DOT1L: variants seen among roughly 807,000 people sequenced by gnomAD.
The protein encoded by DOT1L is DOT1 like histone lysine methyltransferase, also known as histone-lysine N-methyltransferase, H3 lysine-79 specific.
A neutral mutation model predicts 153.3 loss-of-function variants in DOT1L; 33 were observed. That is an observed-to-expected ratio of 0.22 (90% confidence interval 0.16 to 0.29). The LOEUF (loss-of-function observed/expected upper bound fraction) is 0.29, where lower values mean the gene tolerates loss of function less well. Ranked by LOEUF, DOT1L falls within the 10% of genes least tolerant of loss-of-function variation. The probability of loss-of-function intolerance (pLI) is 1.00; values close to 1 mark genes in which losing one functional copy is unlikely to be tolerated. For missense variants in DOT1L, 1,847 were observed against 2,119.9 expected (o/e 0.87, Z 2.53); for synonymous variants, 1,135 against 965.1 (o/e 1.18, Z -3.26).
At chr19:2,206,151 C>A (rs1272978998) in intron 9 of DOT1L, among the ~76,000 whole-genome samples, 3 of 152,098 alleles carry the variant, frequency 2.0e-5, no homozygotes, top group Non-Finnish European at 4.4e-5. Context: ...ATGTGCGCCA[C>A]CACACCTGGC....
At position 2,217,215 on chromosome 19, in the gene DOT1L, G is replaced by A. The variant is rs986165083; in HGVS notation, c.2544+125G>A. 2 of 1,326,358 alleles carry A rather than the reference G, an allele frequency of 1.5e-6. No homozygotes were observed. Among genetic ancestry groups the A allele is most frequent in the Non-Finnish European group, 2.0e-6 (2 of 1,004,352 alleles). The allele number at this position is 1,326,358 out of a possible 1,614,324, so 82.2% of individuals were successfully genotyped here. The stretch of plus-strand genomic sequence containing the variant: ...CACGGTGAGGTACTGGGGCTGACCT[G>A]GAGTAGGATGTTGTGGCAGAGTTGG... On this transcript the variant is annotated intron_variant, in intron 21 of 27. Transcript: ENST00000398665. This position sits in a 1 kb window ranked among gnomAD's most constrained non-coding sequence, Gnocchi z 7.3.
intron 1 of DOT1L, among the ~76,000 whole-genome samples, chr19:2,171,158 G>A (rs2021598314): frequency 6.6e-6 from 1 of 152,166 alleles, no homozygotes; most frequent in South Asian, 2.1e-4. Flanking sequence ...GGGCCTTGCT[G>A]TGTTGCCCCA....
rs575113121 is a variant in DOT1L at position 2,171,233 on chromosome 19, C to T, written c.81+6968C>T. On this transcript the variant is annotated intron_variant, in intron 1 of 27. Transcript: ENST00000398665. ...AGGCTGTGTGGTGGGGTCTAAGGTA[C>T]AGCAGGGGCCCCAGAGGAGTCCTCC... 1.1e-4 allele frequency among the ~76,000 whole-genome samples: 16 copies of T among 152,280 alleles called. No individual in the cohort carries two copies. The South Asian group carries it at 3.3e-3, about 32-fold the overall frequency.
Position 2,213,619 on chromosome 19 carries a change from G to GT in DOT1L, c.1641dup (p.Gln548SerfsTer6). The GT allele has an allele frequency of 6.2e-7, 1 of 1,613,806 alleles. No individual in the cohort carries two copies. The highest frequency in any genetic ancestry group is 8.5e-7 in the Non-Finnish European group (1 of 1,179,996). ...CCCAGAAGGAGGAGATCAGGAGGCT[G>GT]TTTCAGCAAAAATTGGATGAGGTAG... On this transcript the variant is annotated frameshift_variant, in exon 17 of 28. Coordinates refer to ENST00000398665, the MANE Select transcript of DOT1L (RefSeq NM_032482.3). LOFTEE classifies it high-confidence loss of function.
At position 2,231,659 on chromosome 19, in the gene DOT1L, T is replaced by C. The variant is rs1019115966; in HGVS notation, c.*1867T>C. 10 of 214,134 alleles carry C rather than the reference T, an allele frequency of 4.7e-5. No homozygotes were observed. The highest frequency in any genetic ancestry group is 1.4e-4 in the East Asian group (2 of 14,470). 13.3% of individuals were successfully genotyped at this position (214,134 alleles called of 1,614,324 possible). A position where few individuals can be genotyped will look rare whatever the true frequency, so the allele number is the denominator to read the frequency against. ...CTGCCTGAGCCCCAAGCCCCGAGCCTGGCCTTCAGGACAGGCAGCCTGCTC... is the reference window on the plus strand; with the variant it reads ...CTGCCTGAGCCCCAAGCCCCGAGCCCGGCCTTCAGGACAGGCAGCCTGCTC... On this transcript the variant is annotated 3_prime_UTR_variant, in exon 28 of 28. Coordinates refer to ENST00000398665, the MANE Select transcript of DOT1L (RefSeq NM_032482.3).
In DOT1L at chr19:2,225,873, A is replaced by G. The variant is rs1195176864; in HGVS notation, c.3662-310A>G. Among the ~76,000 whole-genome samples, 4 of 152,112 alleles carry G rather than the reference A, an allele frequency of 2.6e-5. 1 individual carries two copies. The highest frequency in any genetic ancestry group is 2.6e-4 in the Admixed American group (4 of 15,286). On this transcript the variant is annotated intron_variant, in intron 26 of 27. Coordinates refer to ENST00000398665, the MANE Select transcript of DOT1L (RefSeq NM_032482.3). Reference sequence around the variant, plus strand: ...GGCTGCTGACCTCAGCATTTTCCCCAGAGCTCATCCCGCATGGCCTCTGAG... The same window carrying G: ...GGCTGCTGACCTCAGCATTTTCCCCGGAGCTCATCCCGCATGGCCTCTGAG...
At chr19:2,177,580 G>T (rs1358104228) in intron 1 of DOT1L, among the ~76,000 whole-genome samples, 2 of 152,066 alleles carry the variant, frequency 1.3e-5, no homozygotes, top group Non-Finnish European at 2.9e-5. Flanking sequence ...GGCCAGGCTG[G>T]CCTCGAATTC....
chr19:2,220,512 G>A lies in DOT1L; in HGVS notation c.2806+290G>A, dbSNP rs191162715. On this transcript the variant is annotated intron_variant, in intron 23 of 27. Transcript: ENST00000398665. This position sits in a 1 kb window ranked among gnomAD's most constrained non-coding sequence, Gnocchi z 4.5. ...TGAGGTCGGCCCCAGTGCTCTCGGG[G>A]GCTCCTGTACTCACAGCTGGGAGGC... 8.0e-4 allele frequency: 425 copies of A among 532,850 alleles called. 3 individuals are homozygous for A. Among genetic ancestry groups the A allele is most frequent in the African/African-American group, 6.3e-3 (333 of 52,894 alleles). The allele number at this position is 532,850 out of a possible 1,614,324, so 33.0% of individuals were successfully genotyped here.
intron 1 of DOT1L, among the ~76,000 whole-genome samples, chr19:2,178,407 A>C (rs1005358695): frequency 1.8e-4 from 25 of 138,696 alleles, no homozygotes; most frequent in East Asian, 8.5e-4. Context: ...AACACACTTC[A>C]CTTTGAAATT....
In DOT1L at chr19:2,220,255, TCTG is replaced by T. The variant is rs369662473; in HGVS notation, c.2806+48_2806+50del. The T allele has an allele frequency of 2.4e-4, 370 of 1,572,932 alleles. No homozygotes were observed. The highest frequency in any genetic ancestry group is 2.6e-4 in the Non-Finnish European group (297 of 1,151,310). On this transcript the variant is annotated intron_variant, in intron 23 of 27. Transcript: ENST00000398665. The surrounding 1 kb of genome is among the most constrained non-coding windows in gnomAD (Gnocchi z 4.5). Reference sequence around the variant, plus strand: ...CCCTCCTGTGCCCTACCCTCAGGACTCTGCTGCTGCTGCTGCTCTTCAGGCAGG... The same window carrying T: ...CCCTCCTGTGCCCTACCCTCAGGACTCTGCTGCTGCTGCTCTTCAGGCAGG...
At chr19:2,227,752 C>G in intron 27 of DOT1L, 1 of 1,318,216 alleles carries the variant, frequency 7.6e-7, no homozygotes, top group Non-Finnish European at 1.0e-6. Context: ...TTTAACCACG[C>G]GGTGCCCTCC....
rs989115387 is a variant in DOT1L, at chr19:2,222,816, G to A, written c.3390+257G>A. ...GGAGAATGATGTGAACCCGGGAGGC[G>A]GGGCTTGCAGTGAACTGAGATCGGC... On this transcript the variant is annotated intron_variant, in intron 24 of 27. Transcript: ENST00000398665. The surrounding 1 kb of genome is among the most constrained non-coding windows in gnomAD (Gnocchi z 6.5). The A allele has an allele frequency of 2.1e-6, 1 of 483,546 alleles. No individual in the cohort carries two copies. Among genetic ancestry groups the A allele is most frequent in the Admixed American group, 3.7e-5 (1 of 27,150 alleles). The allele number at this position is 483,546 out of a possible 1,614,324, so 30.0% of individuals were successfully genotyped here.
intron 1 of DOT1L, among the ~76,000 whole-genome samples, chr19:2,175,066 T>C (rs1383765164): frequency 3.3e-5 from 5 of 151,332 alleles, no homozygotes; most frequent in Admixed American, 2.0e-4. Context: ...TGGCGCCATC[T>C]CGGCTCACTG....
chr19:2,223,558 GT>G, intron 25 of DOT1L, 72 bp downstream of exon 25: 1 of 323,572 alleles, frequency 3.1e-6, no homozygotes, highest in Non-Finnish European at 5.9e-6. Flanking sequence ...CTGTGTGTGT[GT>G]GGGTGGGTGG....
intron 1 of DOT1L, chr19:2,164,506 C>G (rs1055763802): frequency 3.2e-6 from 1 of 310,858 alleles, no homozygotes; most frequent in Non-Finnish European, 5.9e-6. Context: ...CGAGCCCTAC[C>G]GCGGTGCCGT....
At chr19:2,216,217 C>T (rs2023891866) in intron 19 of DOT1L, 64 bp from the exon 20 acceptor site, 1 of 1,503,800 alleles carries the variant, frequency 6.6e-7, no homozygotes, top group Admixed American at 2.2e-5. Flanking sequence ...CCATCTGTGG[C>T]AGTCTTGGTT....
At chr19:2,164,424 G>A (rs913373127) in intron 1 of DOT1L, 159 bp downstream of exon 1, 12 of 457,594 alleles carry the variant, frequency 2.6e-5, no homozygotes, top group Non-Finnish European at 4.1e-5. Flanking sequence ...CTTCCCGGCC[G>A]AGGGCCCCGC....
intron 1 of DOT1L, among the ~76,000 whole-genome samples, chr19:2,176,647 G>C (rs2021951524): frequency 6.6e-6 from 1 of 152,188 alleles, no homozygotes; most frequent in South Asian, 2.1e-4. Flanking sequence ...CTAGGAAGGG[G>C]GACTTGGGCC....
rs745954719 is a variant in DOT1L at position 2,211,183 on chromosome 19, C to T, written c.1436C>T (p.Pro479Leu). The change falls in exon 15 of 28, where the codon CCC (proline) becomes CTC (leucine). Residue 479 changes from proline to leucine, a missense_variant. Physicochemically the swap from Pro to Leu is moderately conservative, Grantham distance 98 (BLOSUM62 -3). Around this residue, in one of 8 missense-constraint regions of DOT1L, gnomAD observed 156 missense variants for 235.7 expected, o/e 0.66. Coordinates refer to ENST00000398665, the MANE Select transcript of DOT1L (RefSeq NM_032482.3). The part of the protein sequence containing the change: ...RHSPNPLLVA[P>L]TPPALQKLLE... ...TCCCCCAACCCGCTGCTGGTGGCGC[C>T]CACCCCGCCCGCGCTGCAGAAGCTT... 3.1e-6 allele frequency: 5 copies of T among 1,611,622 alleles called. No homozygotes were observed. In the Admixed American group the frequency reaches 8.3e-5, roughly 27 times the overall value.
Sources: allele counts gnomAD v4.1 joint callset (sites outside exome capture counted in the v4.1 genomes callset), GRCh38; gene constraint gnomAD v4.1.1; regional missense constraint gnomAD v4.1.1; non-coding constraint Gnocchi (gnomAD v3.1); transcripts MANE v1.5; gene names NCBI Gene and HGNC (gene_info 2026-07-23, HGNC 2026-07-21).